NADK: variants seen among roughly 807,000 people sequenced by gnomAD.
The protein encoded by NADK is NAD kinase.
A neutral mutation model predicts 49.8 loss-of-function variants in NADK; 22 were observed. The observed-to-expected ratio is 0.44, with a 90% confidence interval of 0.32 to 0.63. The LOEUF (loss-of-function observed/expected upper bound fraction) is 0.63. Ranked by LOEUF, NADK falls within the 30% of genes least tolerant of loss-of-function variation. The pLI is 0.06. For missense variants in NADK, 438 were observed against 609.4 expected (o/e 0.72, Z 2.96); for synonymous variants, 268 against 253.7 (o/e 1.06, Z -0.54).
chr1:1,759,915 G>A (rs1645663439), intron 3 of NADK: 1 of 1,550,510 alleles, frequency 6.4e-7, no homozygotes, highest in Non-Finnish European at 8.7e-7. Flanking sequence ...GCCAGGACCA[G>A]GAAGTGCAGG....
At chr1:1,760,464 G>C (rs1349226663) in intron 3 of NADK, among the ~76,000 whole-genome samples, 1 of 152,250 alleles carries the variant, frequency 6.6e-6, no homozygotes, top group Non-Finnish European at 1.5e-5. Context: ...TGACAGCCCA[G>C]GGCTGGGGCC....
At position 1,752,941 on chromosome 1, in the gene NADK, T is replaced by C. The variant is rs1300499182; in HGVS notation, c.1304A>G (p.His435Arg). ...CTCCTCCTCCTCCTCCTCCTCGAAG[T>C]GGGCTTGCTTCTTCCGGACGTTCCA... ...LHWNVRKKQA[H>R]FEEEEEEEEE... Residue 435 changes from histidine (H) to arginine (R), a missense_variant, in exon 12 of 12, where the codon CAC becomes CGC. Coordinates refer to ENST00000341426, the MANE Select transcript of NADK (RefSeq NM_023018.5). 3 of 1,590,874 alleles carry C rather than the reference T, an allele frequency of 1.9e-6. No individual in the cohort carries two copies. The African/African-American group carries it at 4.0e-5, about 21-fold the overall frequency.
At chr1:1,762,906 A>G (rs1459180100) in intron 2 of NADK, among the ~76,000 whole-genome samples, 1 of 152,234 alleles carries the variant, frequency 6.6e-6, no homozygotes, top group African/African-American at 2.4e-5. Flanking sequence ...CCTGGGGAGA[A>G]TGCTGTCAGG....
At chr1:1,759,250 A>G (rs1188406713) in intron 3 of NADK, 1 of 1,564,298 alleles carries the variant, frequency 6.4e-7, no homozygotes. Flanking sequence ...TCACCTGCAA[A>G]GCAGGACACC....
rs186603783 is a variant in NADK, at chr1:1,759,182, G to A, written c.264-1872C>T. On this transcript the variant is annotated intron_variant, in intron 3 of 11. Coordinates refer to ENST00000341426, the MANE Select transcript of NADK (RefSeq NM_023018.5). ...GCCACCAGCAGCGGCGTCGTACACC[G>A]GCCCAGGCACCCACCGCTGTGTGTG... The A allele has an allele frequency of 1.1e-3, 1,775 of 1,569,408 alleles. 20 individuals carry two copies. The African/African-American group carries it at 0.02, about 18-fold the overall frequency.
intron 1 of NADK, among the ~76,000 whole-genome samples, chr1:1,769,350 C>T (rs1645978109): frequency 6.6e-6 from 1 of 152,208 alleles, no homozygotes; most frequent in Non-Finnish European, 1.5e-5. Context: ...TGTTTGTGAC[C>T]AGCCTGGCCA....
chr1:1,763,748 C>A (rs1031646964), intron 2 of NADK, among the ~76,000 whole-genome samples: 2 of 152,032 alleles, frequency 1.3e-5, no homozygotes, highest in African/African-American at 4.8e-5. Flanking sequence ...TGTTTCCTTC[C>A]CAAGGACAGG....
chr1:1,753,131 C>T (rs1245515496), intron 11 of NADK, 71 bp from the exon 12 acceptor site: 13 of 1,499,970 alleles, frequency 8.7e-6, no homozygotes, highest in Admixed American at 4.1e-5. Context: ...AACCCTTCCT[C>T]CCTCCCTCCC....
chr1:1,765,335 C>A lies in NADK; in HGVS notation c.72G>T (p.Ser24=). Residue 24 remains serine, a synonymous_variant, in exon 2 of 12, where the codon TCG becomes TCT. Transcript: ENST00000341426. The part of the protein sequence containing the change: ...LSPDAAAYCC[S]ACHGDETWSY... ...TCCAGGTCTCATCGCCGTGGCAGGC[C>A]GAGCAGCAGTAAGCAGCCGCGTCTG... 6.2e-7 allele frequency: 1 copy of A among 1,613,590 alleles called. No homozygotes were observed. The highest frequency in any genetic ancestry group is 1.1e-5 in the South Asian group (1 of 91,026).
chr1:1,772,381 C>T (rs1646078749), intron 1 of NADK, among the ~76,000 whole-genome samples: 2 of 152,158 alleles, frequency 1.3e-5, no homozygotes, highest in South Asian at 4.2e-4. Flanking sequence ...CCAGGCTGAC[C>T]TCGAACTCCT....
At chr1:1,768,355 T>C (rs1314037183) in intron 1 of NADK, among the ~76,000 whole-genome samples, 4 of 151,924 alleles carry the variant, frequency 2.6e-5, no homozygotes, top group African/African-American at 9.7e-5. Context: ...CTGGGCAACA[T>C]AGCAGGATTC....
intron 6 of NADK, among the ~76,000 whole-genome samples, 155 bp from the exon 7 acceptor site, chr1:1,755,631 G>A: frequency 6.6e-6 from 1 of 152,198 alleles, no homozygotes; most frequent in East Asian, 1.9e-4. Context: ...GGAGGGGGAC[G>A]TCGCAGGCCA....
At chr1:1,757,148 ACCCC>A in intron 4 of NADK, 29 bp downstream of exon 4, 2 of 859,202 alleles carry the variant, frequency 2.3e-6, no homozygotes, top group Admixed American at 2.3e-5. Context: ...CTCCATGTGC[ACCCC>A]AGGCCCCCTT....
At chr1:1,757,130 C>A in intron 4 of NADK, 51 bp downstream of exon 4, 3 of 1,546,236 alleles carry the variant, frequency 1.9e-6, no homozygotes, top group South Asian at 2.4e-5. Flanking sequence ...GGATGGAGGC[C>A]CCCCCAACTC....
chr1:1,765,192 G>T, intron 2 of NADK, 36 bp downstream of exon 2: 1 of 1,517,418 alleles, frequency 6.6e-7, no homozygotes, highest in South Asian at 1.2e-5. Flanking sequence ...GAAATCAGAC[G>T]AGAAAAAAAA....
rs558305118 is a variant in NADK at position 1,766,672 on chromosome 1, TTTCC to T, written c.-40-1230_-40-1227del. On this transcript the variant is annotated intron_variant, in intron 1 of 11. Coordinates refer to ENST00000341426, the MANE Select transcript of NADK (RefSeq NM_023018.5). ...GTGAGGATAGAAAACCTCACCCTTT[TTTCC>T]CCTTTTTCTTTTTCTTTTTTTTTTT... Among the ~76,000 whole-genome samples, 184 of 151,688 alleles carry T rather than the reference TTTCC, an allele frequency of 1.2e-3. 2 individuals carry two copies. Among genetic ancestry groups the T allele is most frequent in the South Asian group, 6.0e-3 (29 of 4,808 alleles).
intron 3 of NADK, chr1:1,759,288 G>C (rs1178439832): frequency 6.6e-7 from 1 of 1,508,644 alleles, no homozygotes; most frequent in Non-Finnish European, 8.9e-7. Flanking sequence ...ACGGCTGTGG[G>C]TACTGCACGG....
intron 1 of NADK, among the ~76,000 whole-genome samples, chr1:1,772,644 A>T (rs1009748316): frequency 7.2e-5 from 11 of 152,038 alleles, no homozygotes; most frequent in African/African-American, 2.4e-4. Context: ...CCATACACAC[A>T]TGTAAAACTG....
Position 1,753,080 on chromosome 1 carries a change from G to T in NADK, c.1185-20C>A. ...CTGATGCTGGGACGGGAGAGCAGCA[G>T]CCTGAGCCAGGGCTTCCAGAAAGGC... On this transcript the variant is annotated intron_variant, in intron 11 of 11. Transcript: ENST00000341426. 1 of 1,596,800 alleles carries T rather than the reference G, an allele frequency of 6.3e-7. No homozygotes were observed. Among genetic ancestry groups the T allele is most frequent in the Non-Finnish European group, 8.6e-7 (1 of 1,169,208 alleles).
Sources: allele counts gnomAD v4.1 joint callset (sites outside exome capture counted in the v4.1 genomes callset), GRCh38; gene constraint gnomAD v4.1.1; transcripts MANE v1.5; gene names NCBI Gene and HGNC (gene_info 2026-07-23, HGNC 2026-07-21).